The following CACNB2 variants were observed in gnomAD, a reference collection of about 807,000 sequenced individuals.
CACNB2 encodes voltage-dependent L-type calcium channel subunit beta-2.
A neutral mutation model predicts 73.3 loss-of-function variants in CACNB2; 42 were observed. That is an observed-to-expected ratio of 0.57 (90% CI 0.45 to 0.74). CACNB2 has a LOEUF of 0.74. Ranked by LOEUF, CACNB2 falls within the 30% of genes least tolerant of loss-of-function variation. The pLI is 0.00. For missense variants in CACNB2, 940 were observed against 853.0 expected, an observed-to-expected ratio of 1.10 and a Z score of -1.27; for synonymous variants, 348 against 310.3, an observed-to-expected ratio of 1.12 and a Z score of -1.28.
intron 3 of CACNB2, among the ~76,000 whole-genome samples, chr10:18,434,600 T>C (rs2046042427): frequency 6.6e-6 from 1 of 152,260 alleles, no homozygotes; most frequent in South Asian, 2.1e-4. Context: ...AGGGTCTTGC[T>C]AGGTTGCCTA....
intron 2 of CACNB2, among the ~76,000 whole-genome samples, chr10:18,280,533 A>C (rs527456349): frequency 6.6e-6 from 1 of 152,192 alleles, no homozygotes; most frequent in Admixed American, 6.5e-5. Context: ...TGAGTGGGAA[A>C]ATTAGAAAAA....
At chr10:18,398,271 C>G (rs1440650257) in intron 2 of CACNB2, among the ~76,000 whole-genome samples, 4 of 152,216 alleles carry the variant, frequency 2.6e-5, no homozygotes, top group Non-Finnish European at 5.9e-5. Flanking sequence ...GATACTGAAA[C>G]ATGCTACTAT....
Position 18,177,462 on chromosome 10 carries a change from A to C in CACNB2, c.213+26487A>C, listed in dbSNP as rs561521397. Among the ~76,000 whole-genome samples, 208 of 77,886 alleles carry C rather than the reference A, an allele frequency of 2.7e-3. 1 individual carries two copies. The highest frequency in any genetic ancestry group is 4.9e-3 in the Non-Finnish European group (192 of 39,308). 51.1% of individuals were successfully genotyped at this position (77,886 alleles called of 152,430 possible). A position where few individuals can be genotyped will look rare whatever the true frequency, so the allele number is the denominator to read the frequency against. ...TGGTGAAACCCCGTCTCTATTAAAA[A>C]TGCAAAAAAAAAAAAAAAAATAGCT... On this transcript the variant is annotated intron_variant, in intron 2 of 13. Coordinates refer to ENST00000324631, the MANE Select transcript of CACNB2 (RefSeq NM_201596.3).
At chr10:18,212,601 A>G (rs1027054436) in intron 2 of CACNB2, among the ~76,000 whole-genome samples, 3 of 151,968 alleles carry the variant, frequency 2.0e-5, no homozygotes, top group African/African-American at 7.3e-5. Context: ...ATTTTTTTAA[A>G]TGTTTGCTTA....
chr10:18,232,100 A>T (rs1188693056), intron 2 of CACNB2, among the ~76,000 whole-genome samples: 1 of 152,224 alleles, frequency 6.6e-6, no homozygotes, highest in East Asian at 1.9e-4. Context: ...GGTAACAATG[A>T]TACATACTTT....
At chr10:18,385,138 CT>C (rs2043171084) in intron 2 of CACNB2, among the ~76,000 whole-genome samples, 1 of 152,010 alleles carries the variant, frequency 6.6e-6, no homozygotes, top group South Asian at 2.1e-4. Flanking sequence ...AAAAAATTAG[CT>C]GGGCATGGTG....
intron 2 of CACNB2, among the ~76,000 whole-genome samples, chr10:18,202,411 A>G (rs182904190): frequency 5.4e-4 from 83 of 152,298 alleles, no homozygotes; most frequent in Non-Finnish European, 1.2e-3. Context: ...TAACTCTCAA[A>G]TGAGCCACCA....
chr10:18,407,363 C>G (rs1313618743), intron 3 of CACNB2, among the ~76,000 whole-genome samples: 1 of 151,920 alleles, frequency 6.6e-6, no homozygotes, highest in African/African-American at 2.4e-5. Flanking sequence ...CTCAAGTGAT[C>G]CATCTGCCTC....
intron 2 of CACNB2, among the ~76,000 whole-genome samples, chr10:18,334,282 A>G (rs1045672804): frequency 1.3e-5 from 2 of 152,146 alleles, no homozygotes; most frequent in Non-Finnish European, 2.9e-5. Flanking sequence ...TTCCATCTGC[A>G]ATCTGACACC....
intron 2 of CACNB2, among the ~76,000 whole-genome samples, chr10:18,271,160 G>T (rs1448879968): frequency 1.3e-5 from 2 of 152,214 alleles, no homozygotes; most frequent in Non-Finnish European, 1.5e-5. Context: ...AAGTAGAAGA[G>T]AAATTTGGTT....
At chr10:18,527,755 GAGA>G (rs1331355261) in intron 10 of CACNB2, 58 bp downstream of exon 10, 3 of 1,057,330 alleles carry the variant, frequency 2.8e-6, no homozygotes, top group Non-Finnish European at 2.9e-6. Context: ...TGTTGATGAT[GAGA>G]AGACCTAACA....
chr10:18,177,270 AG>A (rs1664163076), intron 2 of CACNB2, among the ~76,000 whole-genome samples: 2 of 152,166 alleles, frequency 1.3e-5, no homozygotes, highest in African/African-American at 2.4e-5. Flanking sequence ...CACGTGCCTC[AG>A]TAGGATCTGC....
chr10:18,155,884 G>C lies in CACNB2; in HGVS notation c.213+4909G>C, dbSNP rs538248515. 2.0e-4 allele frequency among the ~76,000 whole-genome samples: 15 copies of C among 74,786 alleles called. No individual in the cohort carries two copies. The East Asian group carries it at 5.3e-3, about 27-fold the overall frequency. 49.1% of individuals were successfully genotyped at this position (74,786 alleles called of 152,430 possible). ...AGAATGAGAGAGAGAGGGAGAGAGA[G>C]AGAGAGAACATATTATATATATATA... On this transcript the variant is annotated intron_variant, in intron 2 of 13. Transcript: ENST00000324631.
At chr10:18,431,737 A>G (rs999454028) in intron 3 of CACNB2, among the ~76,000 whole-genome samples, 2 of 151,142 alleles carry the variant, frequency 1.3e-5, no homozygotes, top group East Asian at 3.9e-4. Context: ...CCCCAAAGAT[A>G]TCTTTGTTGA....
At chr10:18,414,612 G>C (rs1474073599) in intron 3 of CACNB2, among the ~76,000 whole-genome samples, 1 of 150,552 alleles carries the variant, frequency 6.6e-6, no homozygotes, top group East Asian at 1.9e-4. Context: ...AGCCTCCCAA[G>C]TTGCTAGGAT....
intron 2 of CACNB2, among the ~76,000 whole-genome samples, chr10:18,305,029 A>T (rs1032360889): frequency 1.3e-5 from 2 of 152,372 alleles, no homozygotes; most frequent in South Asian, 2.1e-4. Flanking sequence ...GTCTTATACA[A>T]GGAAGTAAAA....
chr10:18,229,272 T>C (rs146804074), intron 2 of CACNB2, among the ~76,000 whole-genome samples: 1 of 152,236 alleles, frequency 6.6e-6, no homozygotes, highest in Non-Finnish European at 1.5e-5. Context: ...TTCAATTACA[T>C]GATTTTATTT....
intron 2 of CACNB2, among the ~76,000 whole-genome samples, chr10:18,220,146 TATATATATAC>T (rs1395621214): frequency 0.052 from 1,914 of 36,822 alleles, 37 homozygotes; most frequent in African/African-American, 0.11. Context: ...TATATATATA[TATATATATAC>T]ACACACACAC....
At chr10:18,163,216 G>C (rs146030804) in intron 2 of CACNB2, among the ~76,000 whole-genome samples, 3 of 152,206 alleles carry the variant, frequency 2.0e-5, no homozygotes, top group Non-Finnish European at 4.4e-5. Context: ...TTGATCATTT[G>C]CACAACTCAG....
Sources: gnomAD v4.1 joint callset for allele counts (sites outside exome capture counted in the v4.1 genomes callset) on GRCh38, gnomAD v4.1.1 for gene constraint, MANE v1.5 for transcripts, NCBI Gene and HGNC (gene_info 2026-07-23, HGNC 2026-07-21) for gene names.